Variants in PAX7 observed in about 807,000 individuals in gnomAD.
The protein encoded by PAX7 is paired box 7.
Under a neutral mutation model 50.7 loss-of-function variants are expected in PAX7, and 18 were observed. The observed-to-expected ratio is 0.36, with a 90% confidence interval of 0.25 to 0.53. The LOEUF (loss-of-function observed/expected upper bound fraction) is 0.53. Among genes scored for constraint, PAX7 ranks in the 20% least tolerant of loss-of-function variants. The pLI, the probability that PAX7 is intolerant of heterozygous loss-of-function variation, is 0.93. For synonymous variants in PAX7, 310 were observed against 290.4 expected, an observed-to-expected ratio of 1.07 and a Z score of -0.69; for missense variants, 644 against 702.9, an observed-to-expected ratio of 0.92 and a Z score of 0.95.
intron 8 of PAX7, among the ~76,000 whole-genome samples, chr1:18,743,992 C>G (rs1931287778): frequency 6.6e-6 from 1 of 152,238 alleles, no homozygotes; most frequent in African/African-American, 2.4e-5. Flanking sequence ...GTATGCACCA[C>G]TCTCAGGCAC....
At chr1:18,662,453 C>T (rs1185349004) in intron 4 of PAX7, among the ~76,000 whole-genome samples, 2 of 152,198 alleles carry the variant, frequency 1.3e-5, no homozygotes, top group Non-Finnish European at 2.9e-5. Context: ...CACTCATTCT[C>T]TCATCCTGTA....
At chr1:18,681,685 C>T (rs961079357) in intron 4 of PAX7, among the ~76,000 whole-genome samples, 1 of 144,618 alleles carries the variant, frequency 6.9e-6, no homozygotes, top group African/African-American at 2.6e-5. Flanking sequence ...CTACCTAGGG[C>T]TTAGAATTTA....
chr1:18,717,568 C>G (rs571090403), intron 7 of PAX7, among the ~76,000 whole-genome samples: 1 of 152,274 alleles, frequency 6.6e-6, no homozygotes, highest in South Asian at 2.1e-4. Flanking sequence ...GGTGGCCAGG[C>G]CCCCTCCCAT....
chr1:18,700,800 A>C lies in PAX7; in HGVS notation c.934A>C (p.Thr312Pro), dbSNP rs771079752. The part of the protein sequence containing the change: ...PYQLPDSTYP[T>P]TTISQDGGST... ...CCAGCTGCCGGACTCCACCTACCCC[A>C]CCACCACCATCTCCCAAGGTGAGTG... Residue 312 changes from threonine (T) to proline (P), a missense_variant, in exon 6 of 9, where the codon ACC (threonine) becomes CCC (proline). By Grantham distance (38) the Thr-to-Pro change is conservative (BLOSUM62 -1). Transcript: ENST00000420770. The surrounding 1 kb of genome is among the most constrained non-coding windows in gnomAD (Gnocchi z 4.8). 2 of 1,529,542 alleles carry C rather than the reference A, an allele frequency of 1.3e-6. No homozygotes were observed. The highest frequency in any genetic ancestry group is 1.3e-5 in the South Asian group (1 of 79,998). 94.7% of individuals were successfully genotyped at this position (1,529,542 alleles called of 1,614,324 possible). A position where few individuals can be genotyped will look rare whatever the true frequency, so the allele number is the denominator to read the frequency against.
rs140058475 is a variant in PAX7 at position 18,713,953 on chromosome 1, G to C, written c.1155+10657G>C. Reference sequence around the variant, plus strand: ...CAGCCGGGCACAGTGGCTCATGCCTGTAATCCCAGCACTTTGGGAGGCCAA... The same window carrying C: ...CAGCCGGGCACAGTGGCTCATGCCTCTAATCCCAGCACTTTGGGAGGCCAA... On this transcript the variant is annotated intron_variant, in intron 7 of 8. Coordinates refer to ENST00000420770, the MANE Select transcript of PAX7 (RefSeq NM_001135254.2). Among the ~76,000 whole-genome samples, 68 of 152,342 alleles carry C rather than the reference G, an allele frequency of 4.5e-4. No individual in the cohort carries two copies. The East Asian group carries it at 9.4e-3, about 21-fold the overall frequency.
chr1:18,645,401 G>A (rs1024238990), intron 4 of PAX7, among the ~76,000 whole-genome samples: 4 of 152,250 alleles, frequency 2.6e-5, no homozygotes, highest in African/African-American at 7.2e-5. Flanking sequence ...GGGGTGGGGC[G>A]GCGGGCGCGA....
In PAX7 at chr1:18,728,710, A is replaced by C. The variant is rs1412280440; in HGVS notation, c.1156-6922A>C. ...ACCCCATTCTACTAAAAAAAAAAAA[A>C]AAAAATTAGCCGGGCTTGGTGGTGC... On this transcript the variant is annotated intron_variant, in intron 7 of 8. Transcript: ENST00000420770. Among the ~76,000 whole-genome samples the C allele has an allele frequency of 2.6e-5, 4 of 151,408 alleles. No homozygotes were observed. The East Asian group carries it at 7.8e-4, about 29-fold the overall frequency.
At chr1:18,661,237 A>C (rs533426391) in intron 4 of PAX7, among the ~76,000 whole-genome samples, 2 of 152,186 alleles carry the variant, frequency 1.3e-5, no homozygotes, top group Admixed American at 1.3e-4. Flanking sequence ...CTTCAGTGTA[A>C]GGGTTGCCAT....
intron 5 of PAX7, among the ~76,000 whole-genome samples, chr1:18,696,065 C>CTTTTTT (rs386366372): frequency 1.4e-4 from 18 of 128,890 alleles, no homozygotes; most frequent in African/African-American, 2.9e-4. Context: ...CATTTCTTTT[C>CTTTTTT]TTTTTTTTTT....
intron 7 of PAX7, among the ~76,000 whole-genome samples, chr1:18,713,435 C>A (rs535560576): frequency 1.1e-3 from 160 of 152,296 alleles, no homozygotes; most frequent in African/African-American, 3.6e-3. Flanking sequence ...ATACAGCAGG[C>A]CTGGTGAGAC....
intron 4 of PAX7, among the ~76,000 whole-genome samples, chr1:18,688,773 C>T (rs956590844): frequency 1.8e-4 from 27 of 152,048 alleles, no homozygotes; most frequent in Non-Finnish European, 4.4e-5. Context: ...AATTAGCTGG[C>T]CATGGTGGTG....
chr1:18,653,995 C>T (rs1461522435), intron 4 of PAX7, among the ~76,000 whole-genome samples: 1 of 152,260 alleles, frequency 6.6e-6, no homozygotes, highest in Middle Eastern at 3.4e-3. Flanking sequence ...GCCCCCAGCC[C>T]AGCCCTGTCG....
In PAX7 at chr1:18,632,139, C is replaced by T. The variant is rs957868383; in HGVS notation, c.85+451C>T. Among the ~76,000 whole-genome samples the T allele has an allele frequency of 6.6e-5, 10 of 152,130 alleles. No homozygotes were observed. On this transcript the variant is annotated intron_variant, in intron 1 of 8. Coordinates refer to ENST00000420770, the MANE Select transcript of PAX7 (RefSeq NM_001135254.2). This position sits in a 1 kb window ranked among gnomAD's most constrained non-coding sequence, Gnocchi z 6.3. Reference sequence around the variant, plus strand: ...CAGTCCTTTATTTCGAACCACCTACCATGGGTGATACTTTATATGCCTCAA... The same window carrying T: ...CAGTCCTTTATTTCGAACCACCTACTATGGGTGATACTTTATATGCCTCAA...
chr1:18,690,448 C>T (rs1348590038), intron 4 of PAX7, among the ~76,000 whole-genome samples: 10 of 152,228 alleles, frequency 6.6e-5, no homozygotes, highest in Admixed American at 6.5e-4. Context: ...GCCCTGCTAG[C>T]ATCCCCTCTG....
intron 5 of PAX7, among the ~76,000 whole-genome samples, chr1:18,695,064 G>T (rs2089133888): frequency 6.6e-6 from 1 of 152,080 alleles, no homozygotes; most frequent in African/African-American, 2.4e-5. Flanking sequence ...TGGGTTAGTG[G>T]ATTGGTTCAG....
chr1:18,717,946 G>T (rs948743062), intron 7 of PAX7, among the ~76,000 whole-genome samples: 1 of 152,210 alleles, frequency 6.6e-6, no homozygotes, highest in South Asian at 2.1e-4. Flanking sequence ...CGTCTTGACG[G>T]CCAGCTGGCC....
chr1:18,735,627 C>T lies in PAX7; in HGVS notation c.1156-5C>T. The T allele has an allele frequency of 6.2e-7, 1 of 1,608,616 alleles. No individual in the cohort carries two copies. Among genetic ancestry groups the T allele is most frequent in the Non-Finnish European group, 8.5e-7 (1 of 1,176,054 alleles). ...AGCCTGGCACTAATGGCCTTTTCCC[C>T]ACAGGTGATGAGCATCTTGGGCAAC... On this transcript the variant is annotated splice_polypyrimidine_tract_variant and splice_region_variant and intron_variant, in intron 7 of 8. Coordinates refer to ENST00000420770, the MANE Select transcript of PAX7 (RefSeq NM_001135254.2). The surrounding 1 kb of genome is among the most constrained non-coding windows in gnomAD (Gnocchi z 4.0).
chr1:18,649,015 A>G (rs2088391420), intron 4 of PAX7, among the ~76,000 whole-genome samples: 1 of 152,190 alleles, frequency 6.6e-6, no homozygotes, highest in Non-Finnish European at 1.5e-5. Flanking sequence ...TGAGCCCGTG[A>G]CTGGCTGCTA....
intron 7 of PAX7, among the ~76,000 whole-genome samples, chr1:18,727,398 A>G (rs920244956): frequency 1.3e-5 from 2 of 151,608 alleles, no homozygotes; most frequent in African/African-American, 4.9e-5. Context: ...ACACACACAC[A>G]CACACACACA....
Sources: gnomAD v4.1 joint callset for allele counts (sites outside exome capture counted in the v4.1 genomes callset) on GRCh38, gnomAD v4.1.1 for gene constraint, Gnocchi (gnomAD v3.1) non-coding constraint, MANE v1.5 for transcripts, NCBI Gene and HGNC (gene_info 2026-07-23, HGNC 2026-07-21) for gene names.